Variants in PPP1R27 observed in about 807,000 individuals in gnomAD.
PPP1R27 encodes the protein dysferlin interacting protein 1.
PPP1R27 carries 10 observed loss-of-function variants against 12.0 expected under a neutral mutation model. That is an observed-to-expected ratio of 0.84 (90% confidence interval 0.52 to 1.42). The LOEUF (loss-of-function observed/expected upper bound fraction) is 1.42. Among genes scored for constraint, PPP1R27 ranks in the 40% most tolerant of loss-of-function variants. PPP1R27 has a pLI of 0.00. For missense variants in PPP1R27, 246 were observed against 215.3 expected (o/e 1.14, Z -0.89); for synonymous variants, 98 against 89.3 (o/e 1.10, Z -0.55).
intron 2 of PPP1R27, chr17:81,834,097 C>CTTTTTTTGT: frequency 2.0e-6 from 1 of 501,624 alleles, no homozygotes; most frequent in Non-Finnish European, 3.5e-6. Flanking sequence ...TTGCAGGGTT[C>CTTTTTTTGT]TTTTTTTGTT....
At chr17:81,833,944 C>G in intron 2 of PPP1R27, 92 bp from the exon 3 acceptor site, 1 of 1,443,874 alleles carries the variant, frequency 6.9e-7, no homozygotes, top group Non-Finnish European at 9.3e-7. Context: ...CCTGGGGTCA[C>G]CTGTGTGTCC....
Position 81,834,899 on chromosome 17 carries a change from G to C in PPP1R27, c.55C>G (p.Arg19Gly). 6.2e-7 allele frequency: 1 copy of C among 1,610,570 alleles called. No homozygotes were observed. Among genetic ancestry groups the C allele is most frequent in the Non-Finnish European group, 8.5e-7 (1 of 1,179,162 alleles). The change falls in exon 1 of 3, where the codon CGG (arginine) becomes GGG (glycine). Residue 19 changes from arginine to glycine, a missense_variant. Transcript: ENST00000330261. ...ARYSPRQRRRRMLADRSVRFP... is the reference protein window; with the variant it reads ...ARYSPRQRRRGMLADRSVRFP... The stretch of plus-strand genomic sequence containing the variant: ...CGCACGCTGCGATCAGCCAGCATCC[G>C]CCGCCGCCGCTGCCGTGGGCTGTAG...
chr17:81,834,538 G>A lies in PPP1R27; in HGVS notation c.306C>T (p.His102=). ...QRDEAGWTPL[H]IACSDGYPDI... ...CAGGGTACCCATCGCTGCAGGCAAT[G>A]TGCAGGGGTGTCCAGCCCGCCTCAT... The change falls in exon 2 of 3, where the codon CAC becomes CAT. Residue 102 remains histidine (H), a synonymous_variant. Transcript: ENST00000330261. 6.2e-7 allele frequency: 1 copy of A among 1,614,152 alleles called. No individual in the cohort carries two copies. Among genetic ancestry groups the A allele is most frequent in the African/African-American group, 1.3e-5 (1 of 75,060 alleles).
In PPP1R27 at chr17:81,834,959, G is replaced by A. The variant is rs775373280; in HGVS notation, c.-6C>T. ...CGGGCAGTTCTGCTAGGCATCTTGG[G>A]CGCTGTGGGGCAGGTTGCCCCTGGG... On this transcript the variant is annotated 5_prime_UTR_variant, in exon 1 of 3. Coordinates refer to ENST00000330261, the MANE Select transcript of PPP1R27 (RefSeq NM_001007533.4). 6.3e-7 allele frequency: 1 copy of A among 1,591,170 alleles called. No homozygotes were observed. The highest frequency in any genetic ancestry group is 8.6e-7 in the Non-Finnish European group (1 of 1,169,536).
At chr17:81,833,910 C>T (rs2143281400) in intron 2 of PPP1R27, 58 bp from the exon 3 acceptor site, 1 of 1,560,684 alleles carries the variant, frequency 6.4e-7, no homozygotes, top group East Asian at 2.3e-5. Context: ...GTGCTCGCCC[C>T]AACCCGGGTC....
At chr17:81,833,950 T>A (rs1047937021) in intron 2 of PPP1R27, 98 bp from the exon 3 acceptor site, 1 of 1,425,012 alleles carries the variant, frequency 7.0e-7, no homozygotes, top group Non-Finnish European at 9.4e-7. Context: ...GTCACCTGTG[T>A]GTCCCCCACC....
chr17:81,833,756 C>G lies in PPP1R27; in HGVS notation c.438G>C (p.Glu146Asp), dbSNP rs1295403539. 4.5e-6 allele frequency: 7 copies of G among 1,551,970 alleles called. No homozygotes were observed. Among genetic ancestry groups the G allele is most frequent in the Non-Finnish European group, 5.2e-6 (6 of 1,147,662 alleles). ...LIDPDYKELV[E>D]LFKGTTMD The stretch of plus-strand genomic sequence containing the variant: ...AGTCCATCGTGGTCCCTTTGAAGAG[C>G]TCCACCAGCTCCTTGTAGTCCGGGT... Residue 146 changes from glutamate to aspartate, a missense_variant, in exon 3 of 3, where the codon GAG becomes GAC. Glu to Asp is a conservative substitution (Grantham distance 45). Coordinates refer to ENST00000330261, the MANE Select transcript of PPP1R27 (RefSeq NM_001007533.4).
chr17:81,833,788 G>C lies in PPP1R27; in HGVS notation c.406C>G (p.Leu136Val). 1 of 1,561,926 alleles carries C rather than the reference G, an allele frequency of 6.4e-7. No homozygotes were observed. The highest frequency in any genetic ancestry group is 1.2e-5 in the South Asian group (1 of 84,832). The change falls in exon 3 of 3, where the codon CTC becomes GTC. Residue 136 changes from leucine to valine, a missense_variant. Transcript: ENST00000330261. ...TNDDGDLPSD[L>V]IDPDYKELVE... Reference sequence around the variant, plus strand: ...AGCTCCTTGTAGTCCGGGTCGATGAGGTCGGAGGGCAGGTCGCCATCGTCG... The same window carrying C: ...AGCTCCTTGTAGTCCGGGTCGATGACGTCGGAGGGCAGGTCGCCATCGTCG...
chr17:81,833,764 G>C lies in PPP1R27; in HGVS notation c.430C>G (p.Leu144Val), dbSNP rs748530829. The change falls in exon 3 of 3, where the codon CTG (leucine) becomes GTG (valine). Residue 144 changes from leucine to valine, a missense_variant. Transcript: ENST00000330261. ...SDLIDPDYKE[L>V]VELFKGTTMD ...GTGGTCCCTTTGAAGAGCTCCACCA[G>C]CTCCTTGTAGTCCGGGTCGATGAGG... The C allele has an allele frequency of 2.6e-6, 4 of 1,553,482 alleles. No individual in the cohort carries two copies. Among genetic ancestry groups the C allele is most frequent in the East Asian group, 2.4e-5 (1 of 41,188 alleles).
At position 81,833,529 on chromosome 17, in the gene PPP1R27, AC is replaced by A; in HGVS notation, c.*199del. The stretch of plus-strand genomic sequence containing the variant: ...ACCCAGGCCCCCTCACCTGGGAGTC[AC>A]GTTTATTGAAAAAGTAAAAAGTGTC... On this transcript the variant is annotated 3_prime_UTR_variant, in exon 3 of 3. Coordinates refer to ENST00000330261, the MANE Select transcript of PPP1R27 (RefSeq NM_001007533.4). 1 of 571,022 alleles carries A rather than the reference AC, an allele frequency of 1.8e-6. No homozygotes were observed. Among genetic ancestry groups the A allele is most frequent in the Non-Finnish European group, 3.1e-6 (1 of 326,074 alleles). 35.4% of individuals were successfully genotyped at this position (571,022 alleles called of 1,614,324 possible). A position where few individuals can be genotyped will look rare whatever the true frequency, so the allele number is the denominator to read the frequency against.
In PPP1R27 at chr17:81,833,778, G is replaced by C; in HGVS notation, c.416C>G (p.Pro139Arg). ...GAGCTCCACCAGCTCCTTGTAGTCCGGGTCGATGAGGTCGGAGGGCAGGTC... is the reference window on the plus strand; with the variant it reads ...GAGCTCCACCAGCTCCTTGTAGTCCCGGTCGATGAGGTCGGAGGGCAGGTC... Reference protein sequence around the residue: ...DGDLPSDLIDPDYKELVELFK... With the variant: ...DGDLPSDLIDRDYKELVELFK... Residue 139 changes from proline to arginine, a missense_variant, in exon 3 of 3, where the codon CCG becomes CGG. Coordinates refer to ENST00000330261, the MANE Select transcript of PPP1R27 (RefSeq NM_001007533.4). 2 of 1,557,182 alleles carry C rather than the reference G, an allele frequency of 1.3e-6. No individual in the cohort carries two copies. The highest frequency in any genetic ancestry group is 3.9e-5 in the Admixed American group (2 of 51,512).
chr17:81,834,837 C>T lies in PPP1R27; in HGVS notation c.117G>A (p.Arg39=), dbSNP rs911043795. ...PNDVLFLDHI[R]QGDLEQVGRF... ...GCCCCACCTGCTCCAGGTCACCCTG[C>T]CGGATGTGGTCCAAGAACAGGACAT... Residue 39 remains arginine, a synonymous_variant, in exon 1 of 3, where the codon CGG becomes CGA. Coordinates refer to ENST00000330261, the MANE Select transcript of PPP1R27 (RefSeq NM_001007533.4). 1.2e-6 allele frequency: 2 copies of T among 1,613,622 alleles called. No individual in the cohort carries two copies. The highest frequency in any genetic ancestry group is 1.7e-6 in the Non-Finnish European group (2 of 1,179,996).
At position 81,833,498 on chromosome 17, in the gene PPP1R27, G is replaced by A; in HGVS notation, c.*231C>T. The A allele has an allele frequency of 1.9e-6, 1 of 522,096 alleles. No individual in the cohort carries two copies. The highest frequency in any genetic ancestry group is 2.2e-5 in the South Asian group (1 of 46,030). 32.3% of individuals were successfully genotyped at this position (522,096 alleles called of 1,614,324 possible). A position where few individuals can be genotyped will look rare whatever the true frequency, so the allele number is the denominator to read the frequency against. ...CAGGACACCACCACAGGGACCACGT[G>A]TGTAGACCCAGGCCCCCTCACCTGG... On this transcript the variant is annotated 3_prime_UTR_variant, in exon 3 of 3. Coordinates refer to ENST00000330261, the MANE Select transcript of PPP1R27 (RefSeq NM_001007533.4).
chr17:81,834,200 T>C, intron 2 of PPP1R27: 1 of 457,264 alleles, frequency 2.2e-6, no homozygotes. Flanking sequence ...ACTTCCCGGG[T>C]TCAAGTGATT....
rs1190467881 is a variant in PPP1R27, at chr17:81,835,042, C to T, written c.-89G>A. 3.0e-6 allele frequency: 4 copies of T among 1,354,074 alleles called. No homozygotes were observed. Among genetic ancestry groups the T allele is most frequent in the Non-Finnish European group, 3.9e-6 (4 of 1,022,752 alleles). The allele number at this position is 1,354,074 out of a possible 1,614,324, so 83.9% of individuals were successfully genotyped here. ...GGTCCCGACCAGATCAGCTTGAGGGCTCCTGTCGGACGAGCCCCGGCCTCT... is the reference window on the plus strand; with the variant it reads ...GGTCCCGACCAGATCAGCTTGAGGGTTCCTGTCGGACGAGCCCCGGCCTCT... On this transcript the variant is annotated 5_prime_UTR_variant, in exon 1 of 3. Coordinates refer to ENST00000330261, the MANE Select transcript of PPP1R27 (RefSeq NM_001007533.4).
rs1233861515 is a variant in PPP1R27 at position 81,835,016 on chromosome 17, C to T, written c.-63G>A. 8.3e-6 allele frequency: 12 copies of T among 1,439,420 alleles called. No homozygotes were observed. The highest frequency in any genetic ancestry group is 2.1e-4 in the Middle Eastern group (1 of 4,678). The allele number at this position is 1,439,420 out of a possible 1,614,324, so 89.2% of individuals were successfully genotyped here. On this transcript the variant is annotated 5_prime_UTR_variant, in exon 1 of 3. Coordinates refer to ENST00000330261, the MANE Select transcript of PPP1R27 (RefSeq NM_001007533.4). ...ACTGCACTGGGGTTAATAATGTATC[C>T]GGTCCCGACCAGATCAGCTTGAGGG...
At position 81,833,834 on chromosome 17, in the gene PPP1R27, T is replaced by C; in HGVS notation, c.360A>G (p.Gly120=). 6.3e-7 allele frequency: 1 copy of C among 1,590,404 alleles called. No individual in the cohort carries two copies. The highest frequency in any genetic ancestry group is 8.6e-7 in the Non-Finnish European group (1 of 1,168,482). ...PDIARYLISL[G]ADRDATNDDG... The stretch of plus-strand genomic sequence containing the variant: ...CGTCGTTGGTTGCATCCCTGTCCGC[T>C]CCCAGGGAGATAAGGTACCTGGGGT... The change falls in exon 3 of 3, where the codon GGA becomes GGG. Residue 120 remains glycine, a synonymous_variant. Coordinates refer to ENST00000330261, the MANE Select transcript of PPP1R27 (RefSeq NM_001007533.4).
chr17:81,834,963 T>C lies in PPP1R27; in HGVS notation c.-10A>G, dbSNP rs541368350. 2 of 1,588,690 alleles carry C rather than the reference T, an allele frequency of 1.3e-6. No homozygotes were observed. Among genetic ancestry groups the C allele is most frequent in the South Asian group, 2.3e-5 (2 of 87,990 alleles). On this transcript the variant is annotated 5_prime_UTR_variant, in exon 1 of 3. Transcript: ENST00000330261. Reference sequence around the variant, plus strand: ...CAGTTCTGCTAGGCATCTTGGGCGCTGTGGGGCAGGTTGCCCCTGGGGACC... The same window carrying C: ...CAGTTCTGCTAGGCATCTTGGGCGCCGTGGGGCAGGTTGCCCCTGGGGACC...
chr17:81,834,637 A>C lies in PPP1R27; in HGVS notation c.207T>G (p.His69Gln), dbSNP rs779889490. 3.1e-6 allele frequency: 5 copies of C among 1,613,998 alleles called. No homozygotes were observed. In the African/African-American group the frequency reaches 5.3e-5, roughly 17 times the overall value. The change falls in exon 2 of 3, where the codon CAT becomes CAG. Residue 69 changes from histidine (H) to glutamine (Q), a missense_variant. Transcript: ENST00000330261. ...CCAGGTTTCCAGAGAGCACGGCTTC[A>C]TGCAAGGCGGCCAGGCCTGGGCAGG... ...TIHPSGLAAL[H>Q]EAVLSGNLEC...
Sources: allele counts gnomAD v4.1 joint callset, GRCh38; gene constraint gnomAD v4.1.1; transcripts MANE v1.5; gene names NCBI Gene and HGNC (gene_info 2026-07-23, HGNC 2026-07-21).